The following KLHL29 variants were observed in gnomAD, a reference collection of about 807,000 sequenced individuals.
KLHL29 encodes the protein kelch like family member 29, also known as kelch-like protein 29.
A neutral mutation model predicts 80.4 loss-of-function variants in KLHL29; 21 were observed. The observed-to-expected ratio is 0.26, with a 90% CI of 0.19 to 0.38. The LOEUF is 0.38. Ranked by LOEUF, KLHL29 falls within the 10% of genes least tolerant of loss-of-function variation. The pLI is 1.00. For missense variants in KLHL29, 867 were observed against 1,223.9 expected (o/e 0.71, Z 4.35); for synonymous variants, 511 against 526.8 (o/e 0.97, Z 0.41).
chr2:23,636,537 G>C (rs537653602), intron 3 of KLHL29, among the ~76,000 whole-genome samples: 1 of 152,262 alleles, frequency 6.6e-6, no homozygotes, highest in East Asian at 1.9e-4. Context: ...GCCCATCTGG[G>C]CCCGCCTCTG....
At chr2:23,456,607 G>A (rs1013278361) in intron 1 of KLHL29, among the ~76,000 whole-genome samples, 12 of 152,238 alleles carry the variant, frequency 7.9e-5, no homozygotes, top group African/African-American at 1.2e-4. Context: ...CCAGCTCTGC[G>A]GGGTTCTGGC....
chr2:23,431,273 G>A (rs1386060182), intron 1 of KLHL29, among the ~76,000 whole-genome samples: 1 of 152,230 alleles, frequency 6.6e-6, no homozygotes, highest in Non-Finnish European at 1.5e-5. Flanking sequence ...ATCTAAATGT[G>A]TGACCCTGTG....
chr2:23,515,064 T>C (rs1572369694), intron 2 of KLHL29, among the ~76,000 whole-genome samples: 1 of 152,182 alleles, frequency 6.6e-6, no homozygotes. Flanking sequence ...ACAGAGACAC[T>C]TGGGAACTGT....
intron 2 of KLHL29, among the ~76,000 whole-genome samples, chr2:23,529,606 G>T (rs1303947298): frequency 1.3e-5 from 2 of 152,142 alleles, no homozygotes; most frequent in Non-Finnish European, 2.9e-5. Context: ...CACAGGCTTG[G>T]TATAGACCTG....
intron 2 of KLHL29, among the ~76,000 whole-genome samples, chr2:23,560,752 A>G (rs1667427105): frequency 6.6e-6 from 1 of 152,130 alleles, no homozygotes; most frequent in Non-Finnish European, 1.5e-5. Context: ...GGCAGAGGGG[A>G]TGATGGCCAC....
intron 2 of KLHL29, among the ~76,000 whole-genome samples, chr2:23,542,015 T>C (rs975331039): frequency 3.9e-5 from 6 of 152,200 alleles, no homozygotes; most frequent in African/African-American, 1.2e-4. Context: ...GGTTGGGCTG[T>C]GTGCTGCCTG....
intron 2 of KLHL29, among the ~76,000 whole-genome samples, chr2:23,518,928 C>T (rs181573237): frequency 1.3e-5 from 2 of 152,324 alleles, no homozygotes; most frequent in East Asian, 3.9e-4. Flanking sequence ...TCTGCTTTCT[C>T]GGAAAAATGT....
chr2:23,657,878 G>A (rs966218394), intron 5 of KLHL29, among the ~76,000 whole-genome samples: 48 of 152,324 alleles, frequency 3.2e-4, no homozygotes, highest in African/African-American at 1.2e-3. Context: ...CAGGAAGGCT[G>A]AAGGTGGATG....
chr2:23,637,874 T>G (rs1000861427), intron 3 of KLHL29, among the ~76,000 whole-genome samples: 3 of 151,928 alleles, frequency 2.0e-5, no homozygotes, highest in Admixed American at 1.3e-4. Context: ...GAGGCTCCTG[T>G]GTGCTTCTGT....
At chr2:23,518,666 C>T (rs1456443284) in intron 2 of KLHL29, among the ~76,000 whole-genome samples, 1 of 152,160 alleles carries the variant, frequency 6.6e-6, no homozygotes, top group African/African-American at 2.4e-5. Flanking sequence ...CACCAGCTTC[C>T]ACACGCAGCA....
At chr2:23,644,453 G>C (rs755872917) in intron 5 of KLHL29, among the ~76,000 whole-genome samples, 1 of 152,188 alleles carries the variant, frequency 6.6e-6, no homozygotes, top group African/African-American at 2.4e-5. Context: ...GGCTTGCCAC[G>C]TTCCAGGCAC....
intron 3 of KLHL29, among the ~76,000 whole-genome samples, chr2:23,627,185 G>A (rs539775980): frequency 2.0e-5 from 3 of 152,236 alleles, no homozygotes; most frequent in African/African-American, 4.8e-5. Flanking sequence ...GAATTTAGAC[G>A]GCATCTGGCT....
chr2:23,559,711 T>C (rs11892237), intron 2 of KLHL29, among the ~76,000 whole-genome samples: 3,217 of 151,628 alleles, frequency 0.021, 105 homozygotes, highest in African/African-American at 0.074. Flanking sequence ...GGGGAAGGTG[T>C]GCGGCAGGCT....
At chr2:23,535,039 A>C (rs946264751) in intron 2 of KLHL29, among the ~76,000 whole-genome samples, 2 of 152,242 alleles carry the variant, frequency 1.3e-5, no homozygotes, top group Admixed American at 1.3e-4. Context: ...CATTTGTCAA[A>C]ACTCATCAGA....
rs1666768797 is a variant in KLHL29 at position 23,539,431 on chromosome 2, C to CTTTTTTTTTTTTTTTTTTTTTTTT, written c.-45-22721_-45-22720insTTTTTTTTTTTTTTTTTTTTTTTT. Among the ~76,000 whole-genome samples, 4 of 107,216 alleles carry CTTTTTTTTTTTTTTTTTTTTTTTT rather than the reference C, an allele frequency of 3.7e-5. 2 individuals are homozygous for CTTTTTTTTTTTTTTTTTTTTTTTT. Among genetic ancestry groups the CTTTTTTTTTTTTTTTTTTTTTTTT allele is most frequent in the African/African-American group, 7.1e-5 (2 of 28,106 alleles). The allele number at this position is 107,216 out of a possible 152,430, so 70.3% of individuals were successfully genotyped here. On this transcript the variant is annotated intron_variant, in intron 2 of 13. Coordinates refer to ENST00000486442, the MANE Select transcript of KLHL29 (RefSeq NM_052920.2). The stretch of plus-strand genomic sequence containing the variant: ...ATGCTTTGCTAGCCTTATCCTGCCT[C>CTTTTTTTTTTTTTTTTTTTTTTTT]CTTTTTTTTTTTTTTTTTTTTTTTT...
chr2:23,448,552 G>C (rs972935509), intron 1 of KLHL29, among the ~76,000 whole-genome samples: 4 of 152,218 alleles, frequency 2.6e-5, no homozygotes, highest in African/African-American at 7.2e-5. Flanking sequence ...TCAGCTTCCA[G>C]GAGTGATTCT....
At chr2:23,555,670 A>T (rs1224388197) in intron 2 of KLHL29, among the ~76,000 whole-genome samples, 2 of 152,352 alleles carry the variant, frequency 1.3e-5, no homozygotes, top group African/African-American at 4.8e-5. Flanking sequence ...GTGAGTCAGC[A>T]GGTGAGCCCA....
At chr2:23,509,978 C>CA (rs1665719881) in intron 2 of KLHL29, among the ~76,000 whole-genome samples, 1 of 151,970 alleles carries the variant, frequency 6.6e-6, no homozygotes. Context: ...ATTTATATTC[C>CA]AAAAAAGATT....
chr2:23,477,452 A>G (rs781733561), intron 2 of KLHL29, among the ~76,000 whole-genome samples: 4 of 152,240 alleles, frequency 2.6e-5, no homozygotes, highest in Non-Finnish European at 5.9e-5. Context: ...AGGAAGCGGG[A>G]GAAGGCTCTG....
Sources: allele counts gnomAD v4.1 joint callset (sites outside exome capture counted in the v4.1 genomes callset), GRCh38; gene constraint gnomAD v4.1.1; transcripts MANE v1.5; gene names NCBI Gene and HGNC (gene_info 2026-07-23, HGNC 2026-07-21).